The following PCDHGA2 variants were observed in gnomAD, a reference collection of about 807,000 sequenced individuals.
PCDHGA2 encodes the protein protocadherin gamma-A2.
Under a neutral mutation model 59.2 loss-of-function variants are expected in PCDHGA2, and 40 were observed. The ratio of observed to expected loss-of-function variants is 0.68; its 90% CI spans 0.52 to 0.88. PCDHGA2 has a LOEUF of 0.88. Ranked by LOEUF, PCDHGA2 falls within the 40% of genes least tolerant of loss-of-function variation. The pLI is 0.00. For missense variants in PCDHGA2, 1,226 were observed against 1,204.0 expected (o/e 1.02, Z -0.27); for synonymous variants, 560 against 526.0 (o/e 1.06, Z -0.89).
At position 141,376,090 on chromosome 5, in the gene PCDHGA2, C is replaced by G. The variant is rs372887480; in HGVS notation, c.2424+34695C>G. ...CCGTGGCCGTGGCCGACAGGATCCC[C>G]GACATCCTGGCCGACCTGGGCAGCC... On this transcript the variant is annotated intron_variant, in intron 1 of 3. Coordinates refer to ENST00000394576, the MANE Select transcript of PCDHGA2 (RefSeq NM_018915.4). 107 of 1,613,674 alleles carry G rather than the reference C, an allele frequency of 6.6e-5. No homozygotes were observed. In the African/African-American group the frequency reaches 1.2e-3, roughly 18 times the overall value.
rs994740663 is a variant in PCDHGA2, at chr5:141,477,022, G to T, written c.2425-17785G>T. ...TATTCGCCTTAGACCTTGTAACCGG[G>T]ATGCTGACAATCAAGGGTCGGCTGG... On this transcript the variant is annotated intron_variant, in intron 1 of 3. Transcript: ENST00000394576. The surrounding 1 kb of genome is among the most constrained non-coding windows in gnomAD (Gnocchi z 4.9). 6.2e-7 allele frequency: 1 copy of T among 1,614,240 alleles called. No homozygotes were observed. Among genetic ancestry groups the T allele is most frequent in the African/African-American group, 1.3e-5 (1 of 75,074 alleles).
intron 1 of PCDHGA2, chr5:141,352,204 G>A (rs778821722): frequency 3.7e-6 from 6 of 1,614,036 alleles, no homozygotes; most frequent in South Asian, 1.1e-5. Flanking sequence ...GAGGACAGCC[G>A]CCACTCTCCG....
At chr5:141,351,157 C>T (rs748506914) in intron 1 of PCDHGA2, 4 of 1,614,010 alleles carry the variant, frequency 2.5e-6, no homozygotes, top group African/African-American at 1.3e-5. Flanking sequence ...ACATCACAAC[C>T]AATGGCACAT....
intron 2 of PCDHGA2, among the ~76,000 whole-genome samples, chr5:141,496,008 C>CT (rs1468405718): frequency 2.0e-5 from 3 of 151,956 alleles, no homozygotes; most frequent in Non-Finnish European, 4.4e-5. Flanking sequence ...TTTATCTTGT[C>CT]TTTTTTCTCT....
rs752811986 is a variant in PCDHGA2, at chr5:141,366,261, T to A, written c.2424+24866T>A. The stretch of plus-strand genomic sequence containing the variant: ...GACGCGCTCAAGCAGAGCCTCGTGG[T>A]GGCCGTCGAAGACCATGGCCAGCCC... On this transcript the variant is annotated intron_variant, in intron 1 of 3. Transcript: ENST00000394576. The A allele has an allele frequency of 1.4e-5, 23 of 1,613,602 alleles. No individual in the cohort carries two copies. The Admixed American group carries it at 2.3e-4, about 16-fold the overall frequency.
intron 1 of PCDHGA2, chr5:141,392,651 C>A: frequency 1.4e-6 from 1 of 708,948 alleles, no homozygotes; most frequent in Non-Finnish European, 2.2e-6. Context: ...CGAAGACCCG[C>A]AGATGCCACA....
intron 1 of PCDHGA2, chr5:141,385,038 G>T (rs377185831): frequency 1.2e-6 from 2 of 1,614,020 alleles, no homozygotes; most frequent in Admixed American, 1.7e-5. Context: ...TACTGCTGGC[G>T]CTCAGGCTGC....
chr5:141,350,996 G>A, intron 1 of PCDHGA2: 1 of 1,614,066 alleles, frequency 6.2e-7, no homozygotes, highest in Non-Finnish European at 8.5e-7. Context: ...GGTATACAGG[G>A]TTAGCCTCCA....
chr5:141,449,165 G>A (rs144669334), intron 1 of PCDHGA2, among the ~76,000 whole-genome samples: 3 of 152,234 alleles, frequency 2.0e-5, no homozygotes, highest in Admixed American at 1.3e-4. Context: ...GGAAATAGGT[G>A]TAATTTTCTT....
At chr5:141,383,534 T>C in intron 1 of PCDHGA2, 6 of 1,612,436 alleles carry the variant, frequency 3.7e-6, no homozygotes, top group Non-Finnish European at 5.1e-6. Context: ...CACCTGGTCC[T>C]CACAGCCTCT....
chr5:141,388,278 A>G (rs769879098), intron 1 of PCDHGA2: 3 of 1,613,502 alleles, frequency 1.9e-6, no homozygotes, highest in East Asian at 2.2e-5. Context: ...CCACACGCCA[A>G]AATTCACGCA....
chr5:141,376,908 C>T, intron 1 of PCDHGA2: 1 of 187,054 alleles, frequency 5.3e-6, no homozygotes, highest in Non-Finnish European at 1.1e-5. Flanking sequence ...AGGATGGTCT[C>T]GATCTCCTGA....
At chr5:141,438,571 T>TATAC (rs1212381177) in intron 1 of PCDHGA2, among the ~76,000 whole-genome samples, 15 of 94,542 alleles carry the variant, frequency 1.6e-4, no homozygotes, top group South Asian at 1.0e-3. Flanking sequence ...AGCTGTCTGA[T>TATAC]ATACATACAT....
chr5:141,423,661 GT>G, intron 1 of PCDHGA2: 1 of 1,555,760 alleles, frequency 6.4e-7, no homozygotes. Flanking sequence ...AAGTAATCAG[GT>G]GAGATTTATT....
rs1156915249 is a variant in PCDHGA2, at chr5:141,426,840, G to C, written c.2425-67967G>C. 8.8e-6 allele frequency: 4 copies of C among 456,584 alleles called. No individual in the cohort carries two copies. In the East Asian group the frequency reaches 2.8e-4, roughly 32 times the overall value. The allele number at this position is 456,584 out of a possible 1,614,324, so 28.3% of individuals were successfully genotyped here. A position where few individuals can be genotyped will look rare whatever the true frequency, so the allele number is the denominator to read the frequency against. On this transcript the variant is annotated intron_variant, in intron 1 of 3. Transcript: ENST00000394576. Reference sequence around the variant, plus strand: ...CTCTCTGATGATGGACAAGACTAAAGGCAAGAACGCTCCAGAATTAGTGCT... The same window carrying C: ...CTCTCTGATGATGGACAAGACTAAACGCAAGAACGCTCCAGAATTAGTGCT...
At chr5:141,346,493 A>G (rs1757760046) in intron 1 of PCDHGA2, 2 of 1,612,488 alleles carry the variant, frequency 1.2e-6, no homozygotes, top group Non-Finnish European at 1.7e-6. Context: ...TTAAGAACAA[A>G]TATGAGAATG....
intron 1 of PCDHGA2, chr5:141,346,298 C>G: frequency 6.2e-7 from 1 of 1,614,236 alleles, no homozygotes; most frequent in Non-Finnish European, 8.5e-7. Flanking sequence ...CCTATTCCCA[C>G]GAGGTCTCCC....
rs1349721639 is a variant in PCDHGA2 at position 141,340,799 on chromosome 5, A to C, written c.1828A>C (p.Lys610Gln). 4 of 1,613,006 alleles carry C rather than the reference A, an allele frequency of 2.5e-6. No homozygotes were observed. Among genetic ancestry groups the C allele is most frequent in the Non-Finnish European group, 3.4e-6 (4 of 1,179,968 alleles). ...QNAWLSYHLLKASEPGLFSVG... is the reference protein window; with the variant it reads ...QNAWLSYHLLQASEPGLFSVG... The stretch of plus-strand genomic sequence containing the variant: ...CGCCTGGCTGTCTTACCACCTGCTC[A>C]AGGCCAGCGAGCCGGGACTCTTCTC... Residue 610 changes from lysine to glutamine, a missense_variant, in exon 1 of 4, where the codon AAG becomes CAG. Transcript: ENST00000394576.
At chr5:141,346,378 A>T in intron 1 of PCDHGA2, 1 of 1,614,264 alleles carries the variant, frequency 6.2e-7, no homozygotes, top group Non-Finnish European at 8.5e-7. Context: ...CTCATCAGCC[A>T]GGAGAGCTGT....
Sources: gnomAD v4.1 joint callset for allele counts (sites outside exome capture counted in the v4.1 genomes callset) on GRCh38, gnomAD v4.1.1 for gene constraint, Gnocchi (gnomAD v3.1) non-coding constraint, MANE v1.5 for transcripts, NCBI Gene and HGNC (gene_info 2026-07-23, HGNC 2026-07-21) for gene names.